The following FLT1 variants were observed in gnomAD, a reference collection of about 807,000 sequenced individuals.
FLT1 encodes vascular endothelial growth factor receptor 1.
In FLT1, 49 loss-of-function variants were observed where a neutral mutation model predicts 156.3. The ratio of observed to expected loss-of-function variants is 0.31; its 90% CI spans 0.25 to 0.40. FLT1 has a LOEUF of 0.40. FLT1 is among the 10% of genes least tolerant of loss of function. The pLI, the probability that FLT1 is intolerant of heterozygous loss-of-function variation, is 1.00. For missense variants in FLT1, 1,322 were observed against 1,637.2 expected (o/e 0.81, Z 3.32); for synonymous variants, 594 against 583.8 (o/e 1.02, Z -0.25).
At chr13:28,444,788 T>C (rs1878518605) in intron 3 of FLT1, among the ~76,000 whole-genome samples, 1 of 152,110 alleles carries the variant, frequency 6.6e-6, no homozygotes, top group South Asian at 2.1e-4. Context: ...AGAAGAAATT[T>C]AAAAAGAAAT....
chr13:28,344,867 A>G (rs1156655893), intron 16 of FLT1, among the ~76,000 whole-genome samples: 3 of 129,914 alleles, frequency 2.3e-5, no homozygotes, highest in Non-Finnish European at 4.6e-5. Context: ...GTGCAGTGGC[A>G]TATGACTCAC....
intron 27 of FLT1, among the ~76,000 whole-genome samples, chr13:28,311,036 C>A (rs770471588): frequency 6.6e-6 from 1 of 152,188 alleles, no homozygotes; most frequent in Non-Finnish European, 1.5e-5. Context: ...TAGCCCACTG[C>A]AGCCTCCATC....
At chr13:28,408,535 A>C (rs1023744313) in intron 10 of FLT1, among the ~76,000 whole-genome samples, 2 of 152,218 alleles carry the variant, frequency 1.3e-5, no homozygotes, top group African/African-American at 4.8e-5. Flanking sequence ...GGGGAGGGGA[A>C]TGTGCCTAAG....
intron 17 of FLT1, 139 bp downstream of exon 17, chr13:28,339,029 C>T: frequency 7.1e-6 from 5 of 708,666 alleles, no homozygotes; most frequent in Admixed American, 5.2e-5. Context: ...ACTTTTGTGT[C>T]CATCTCCCTT....
intron 11 of FLT1, among the ~76,000 whole-genome samples, chr13:28,402,295 TTGCTTTC>T (rs1875492513): frequency 6.6e-6 from 1 of 152,150 alleles, no homozygotes; most frequent in Non-Finnish European, 1.5e-5. Context: ...GGACTTTAAT[TTGCTTTC>T]TAAAAATGTA....
chr13:28,314,654 G>A (rs1328912848), intron 25 of FLT1, among the ~76,000 whole-genome samples: 1 of 152,196 alleles, frequency 6.6e-6, no homozygotes, highest in African/African-American at 2.4e-5. Context: ...CAGAATCCCA[G>A]TTCTGAGAAG....
At chr13:28,376,446 T>A (rs188936697) in intron 14 of FLT1, among the ~76,000 whole-genome samples, 166 of 152,332 alleles carry the variant, frequency 1.1e-3, no homozygotes, top group African/African-American at 3.8e-3. Context: ...TTGATGATGG[T>A]TTATTGGTTC....
intron 15 of FLT1, among the ~76,000 whole-genome samples, chr13:28,356,244 C>T (rs1593704745): frequency 2.6e-5 from 4 of 152,260 alleles, no homozygotes; most frequent in African/African-American, 9.6e-5. Context: ...GGGGAAATGA[C>T]GTTTGCTCTG....
chr13:28,487,049 C>T (rs1424214135), intron 1 of FLT1, among the ~76,000 whole-genome samples: 1 of 152,220 alleles, frequency 6.6e-6, no homozygotes, highest in Non-Finnish European at 1.5e-5. Flanking sequence ...GCAAGCCCAC[C>T]AGGTGATTCT....
At chr13:28,382,014 C>G (rs1593726825) in intron 14 of FLT1, among the ~76,000 whole-genome samples, 2 of 152,256 alleles carry the variant, frequency 1.3e-5, no homozygotes, top group East Asian at 3.9e-4. Flanking sequence ...AACTATCTAT[C>G]TGCCCTCTGG....
chr13:28,330,224 T>C (rs1188049429), intron 18 of FLT1, among the ~76,000 whole-genome samples: 6 of 152,246 alleles, frequency 3.9e-5, no homozygotes, highest in Non-Finnish European at 7.3e-5. Context: ...TGTAACCCTG[T>C]CCTCTCTGGA....
chr13:28,490,871 G>T (rs1007225164), intron 1 of FLT1, among the ~76,000 whole-genome samples: 2 of 152,194 alleles, frequency 1.3e-5, no homozygotes, highest in Admixed American at 6.5e-5. Flanking sequence ...CTAACTGTGA[G>T]ATCCAAACCA....
intron 25 of FLT1, among the ~76,000 whole-genome samples, chr13:28,313,691 G>T (rs1005839473): frequency 6.6e-5 from 10 of 152,148 alleles, no homozygotes; most frequent in Admixed American, 1.3e-4. Flanking sequence ...CAGCTGTACT[G>T]CAGACATTAC....
At chr13:28,473,812 AAGAAAGAAAGAAAG>A (rs1327945231) in intron 1 of FLT1, among the ~76,000 whole-genome samples, 2 of 131,328 alleles carry the variant, frequency 1.5e-5, no homozygotes, top group Non-Finnish European at 3.2e-5. Context: ...GAAAGAAAGA[AAGAAAGAAAGAAAG>A]AAAGAAAGAA....
At chr13:28,428,074 G>A (rs1265519325) in intron 8 of FLT1, among the ~76,000 whole-genome samples, 153 bp from the exon 9 acceptor site, 7 of 152,144 alleles carry the variant, frequency 4.6e-5, no homozygotes, top group African/African-American at 1.4e-4. Flanking sequence ...TAACTTTTGA[G>A]TAAAGGCAGA....
Position 28,302,807 on chromosome 13 carries a change from C to T in FLT1, c.*360G>A. On this transcript the variant is annotated 3_prime_UTR_variant, in exon 30 of 30. Transcript: ENST00000282397. ...CCTGGGTTTTGGGCTGCAGGGCTGG[C>T]CCAGTGGGGTACGTGATGCATTGGG... is the stretch of plus-strand genomic sequence containing the variant. 1 of 295,450 alleles carries T rather than the reference C, an allele frequency of 3.4e-6. No homozygotes were observed. Among genetic ancestry groups the T allele is most frequent in the Non-Finnish European group, 6.2e-6 (1 of 161,260 alleles). 18.3% of individuals were successfully genotyped at this position (295,450 alleles called of 1,614,324 possible).
At chr13:28,483,985 G>T (rs879273305) in intron 1 of FLT1, among the ~76,000 whole-genome samples, 4 of 152,174 alleles carry the variant, frequency 2.6e-5, no homozygotes, top group Non-Finnish European at 5.9e-5. Flanking sequence ...TTCCATAAAT[G>T]GATGGCCCTC....
chr13:28,454,688 T>A (rs1361061506), intron 3 of FLT1, among the ~76,000 whole-genome samples: 1 of 152,038 alleles, frequency 6.6e-6, no homozygotes, highest in Admixed American at 6.6e-5. Context: ...GGTATACAGA[T>A]TGGAAAAGAA....
At chr13:28,378,996 A>G (rs1319733182) in intron 14 of FLT1, among the ~76,000 whole-genome samples, 1 of 152,198 alleles carries the variant, frequency 6.6e-6, no homozygotes, top group East Asian at 1.9e-4. Flanking sequence ...TAGACATCAG[A>G]AAAAAGGAAG....
Sources: allele counts gnomAD v4.1 joint callset (sites outside exome capture counted in the v4.1 genomes callset), GRCh38; gene constraint gnomAD v4.1.1; transcripts MANE v1.5; gene names NCBI Gene and HGNC (gene_info 2026-07-23, HGNC 2026-07-21).